DGKD: variants seen among roughly 807,000 people sequenced by gnomAD.
DGKD encodes the protein DAG kinase delta.
DGKD carries 68 observed loss-of-function variants against 154.4 expected under a neutral mutation model. The ratio of observed to expected loss-of-function variants is 0.44; its 90% CI spans 0.36 to 0.54. The LOEUF is 0.54. DGKD is among the 20% of genes least tolerant of loss of function. The probability of loss-of-function intolerance (pLI) is 0.00; values close to 1 mark genes in which losing one functional copy is unlikely to be tolerated. For synonymous variants in DGKD, 693 were observed against 638.0 expected (o/e 1.09, Z -1.30); for missense variants, 1,343 against 1,593.6 (o/e 0.84, Z 2.68).
chr2:233,420,627 C>A (rs2062084121), intron 3 of DGKD, among the ~76,000 whole-genome samples: 1 of 152,200 alleles, frequency 6.6e-6, no homozygotes, highest in Non-Finnish European at 1.5e-5. Context: ...ACAGCCACAG[C>A]ATTACGCTTC....
At chr2:233,468,695 T>A (rs1028614022) in intron 29 of DGKD, 142 bp downstream of exon 29, 5 of 1,333,056 alleles carry the variant, frequency 3.8e-6, no homozygotes, top group South Asian at 1.4e-5. Context: ...TGGGGGCGGC[T>A]GTGGCCCTCA....
At chr2:233,368,676 C>CA (rs1702161856) in intron 1 of DGKD, among the ~76,000 whole-genome samples, 1 of 152,150 alleles carries the variant, frequency 6.6e-6, no homozygotes, top group Non-Finnish European at 1.5e-5. Context: ...TCTCTCCCCC[C>CA]AACCCTAAAC....
At chr2:233,371,001 C>T (rs1702294402) in intron 1 of DGKD, among the ~76,000 whole-genome samples, 1 of 142,628 alleles carries the variant, frequency 7.0e-6, no homozygotes, top group South Asian at 2.3e-4. Context: ...ATCTTCTTGC[C>T]TTGGCCTCCC....
At chr2:233,437,522 G>A (rs753696369) in intron 8 of DGKD, 43 bp downstream of exon 8, 13 of 1,566,712 alleles carry the variant, frequency 8.3e-6, no homozygotes, top group Non-Finnish European at 9.7e-6. Context: ...ACGCCCACAC[G>A]CTTCCTTCTC....
At chr2:233,437,671 G>A (rs1455314320) in intron 8 of DGKD, among the ~76,000 whole-genome samples, 192 bp downstream of exon 8, 1 of 152,246 alleles carries the variant, frequency 6.6e-6, no homozygotes, top group African/African-American at 2.4e-5. Context: ...ATTGCCCTTA[G>A]ATGGGCCAGA....
intron 12 of DGKD, chr2:233,447,808 C>T (rs989021013): frequency 8.0e-7 from 1 of 1,243,782 alleles, no homozygotes; most frequent in Admixed American, 3.8e-5. Context: ...GACGGAAGCT[C>T]CTAGCACAGG....
chr2:233,404,291 A>G (rs2125493814), intron 3 of DGKD, among the ~76,000 whole-genome samples: 1 of 152,336 alleles, frequency 6.6e-6, no homozygotes, highest in South Asian at 2.1e-4. Context: ...TTGCAGCATT[A>G]GGAACTGAGA....
chr2:233,372,131 C>G (rs1702355390), intron 1 of DGKD, among the ~76,000 whole-genome samples: 1 of 152,120 alleles, frequency 6.6e-6, no homozygotes, highest in Non-Finnish European at 1.5e-5. Context: ...AAGTGATCCT[C>G]CCAGTCAGCC....
chr2:233,459,690 C>G lies in DGKD; in HGVS notation c.2695-67C>G, dbSNP rs908155980. 1.2e-5 allele frequency: 19 copies of G among 1,569,862 alleles called. No homozygotes were observed. The African/African-American group carries it at 1.9e-4, about 16-fold the overall frequency. On this transcript the variant is annotated intron_variant, in intron 22 of 29. Transcript: ENST00000264057. This position sits in a 1 kb window ranked among gnomAD's most constrained non-coding sequence, Gnocchi z 5.7. ...GTGGAGCAGGAAGGTCATGGTGGTG[C>G]TGATAGCACTTTTAAACCCCTGGGG...
chr2:233,354,947 C>T lies in DGKD; in HGVS notation c.156+273C>T, dbSNP rs1442398779. ...CGGGCGCCGCGCGCTGGGCGGGGGG[C>T]GCGCGCCGAGTTGGGCCGCGAGGAC... On this transcript the variant is annotated intron_variant, in intron 1 of 29. Coordinates refer to ENST00000264057, the MANE Select transcript of DGKD (RefSeq NM_152879.3). This position sits in a 1 kb window ranked among gnomAD's most constrained non-coding sequence, Gnocchi z 4.8. Among the ~76,000 whole-genome samples the T allele has an allele frequency of 6.7e-6, 1 of 148,622 alleles. No individual in the cohort carries two copies. The highest frequency in any genetic ancestry group is 1.5e-5 in the Non-Finnish European group (1 of 66,886).
chr2:233,413,924 T>G (rs1206921476), intron 3 of DGKD, among the ~76,000 whole-genome samples: 1 of 152,238 alleles, frequency 6.6e-6, no homozygotes, highest in African/African-American at 2.4e-5. Context: ...ATTTTTACAA[T>G]GTACTTGAAG....
rs1379265566 is a variant in DGKD at position 233,441,305 on chromosome 2, A to T, written c.1086-582A>T. Reference sequence around the variant, plus strand: ...CGGAGGACTGAGTGGGCCCAGGCATATGTGCTGCAGTGGGGACACGCAGCC... The same window carrying T: ...CGGAGGACTGAGTGGGCCCAGGCATTTGTGCTGCAGTGGGGACACGCAGCC... On this transcript the variant is annotated intron_variant, in intron 9 of 29. Transcript: ENST00000264057. This position sits in a 1 kb window ranked among gnomAD's most constrained non-coding sequence, Gnocchi z 5.6. 1.3e-5 allele frequency among the ~76,000 whole-genome samples: 2 copies of T among 152,140 alleles called. No individual in the cohort carries two copies. The highest frequency in any genetic ancestry group is 2.4e-5 in the African/African-American group (1 of 41,428).
At chr2:233,406,056 C>T (rs538561727) in intron 3 of DGKD, among the ~76,000 whole-genome samples, 18 of 152,324 alleles carry the variant, frequency 1.2e-4, no homozygotes, top group African/African-American at 4.3e-4. Flanking sequence ...AGGAGAGACT[C>T]TGTGACTTGC....
At chr2:233,428,908 A>G (rs2062411317) in intron 3 of DGKD, among the ~76,000 whole-genome samples, 1 of 152,082 alleles carries the variant, frequency 6.6e-6, no homozygotes, top group African/African-American at 2.4e-5. Context: ...TTTTTTCCTT[A>G]GAAGCCAAAA....
chr2:233,391,377 A>G (rs1250022479), intron 3 of DGKD, among the ~76,000 whole-genome samples: 1 of 151,574 alleles, frequency 6.6e-6, no homozygotes, highest in East Asian at 1.9e-4. Context: ...CCATGAGATC[A>G]TGCTGAACCT....
chr2:233,462,789 TG>T (rs2063692738), intron 26 of DGKD, 54 bp downstream of exon 26: 3 of 1,500,440 alleles, frequency 2.0e-6, no homozygotes, highest in Middle Eastern at 1.8e-4. Flanking sequence ...AAACGACTGC[TG>T]TCGCCAGGTT....
At chr2:233,409,787 GTTTTTTT>G (rs3075533) in intron 3 of DGKD, among the ~76,000 whole-genome samples, 4 of 60,892 alleles carry the variant, frequency 6.6e-5, no homozygotes, top group Non-Finnish European at 8.3e-5. Context: ...CCCCCATACC[GTTTTTTT>G]TTTTTTTTTT....
intron 1 of DGKD, among the ~76,000 whole-genome samples, chr2:233,369,073 A>T (rs936126637): frequency 2.6e-5 from 4 of 152,318 alleles, no homozygotes; most frequent in Non-Finnish European, 5.9e-5. Flanking sequence ...CAGCCTCATA[A>T]AGTGAGTTGG....
chr2:233,393,848 A>AT (rs1343343488), intron 3 of DGKD, among the ~76,000 whole-genome samples: 13 of 150,602 alleles, frequency 8.6e-5, no homozygotes, highest in South Asian at 6.3e-4. Flanking sequence ...TGCCCAGCTA[A>AT]TTTTTTTATT....
Sources: gnomAD v4.1 joint callset for allele counts (sites outside exome capture counted in the v4.1 genomes callset) on GRCh38, gnomAD v4.1.1 for gene constraint, Gnocchi (gnomAD v3.1) non-coding constraint, MANE v1.5 for transcripts, NCBI Gene and HGNC (gene_info 2026-07-23, HGNC 2026-07-21) for gene names.